Variants in GLG1 observed in about 807,000 individuals in gnomAD.
GLG1 encodes the protein Golgi apparatus protein 1.
A neutral mutation model predicts 160.5 loss-of-function variants in GLG1; 38 were observed. The observed-to-expected ratio is 0.24, with a 90% confidence interval of 0.18 to 0.31. GLG1 has a LOEUF of 0.31. Ranked by LOEUF, GLG1 falls within the 10% of genes least tolerant of loss-of-function variation. GLG1 has a pLI of 1.00. For missense variants in GLG1, 1,373 were observed against 1,505.2 expected, an observed-to-expected ratio of 0.91 and a Z score of 1.45; for synonymous variants, 644 against 543.4, an observed-to-expected ratio of 1.19 and a Z score of -2.57.
chr16:74,507,345 CCAAT>C (rs562578944), intron 3 of GLG1, among the ~76,000 whole-genome samples: 91 of 152,134 alleles, frequency 6.0e-4, no homozygotes, highest in Admixed American at 1.0e-3. Flanking sequence ...TTTCCCTGGG[CCAAT>C]CAAACTGGTA....
At chr16:74,511,141 G>A (rs912278814) in intron 2 of GLG1, among the ~76,000 whole-genome samples, 1 of 152,108 alleles carries the variant, frequency 6.6e-6, no homozygotes, top group Admixed American at 6.5e-5. Flanking sequence ...GGGAATCGCA[G>A]AAGAGAAAGT....
At chr16:74,546,733 G>A (rs1291541043) in intron 1 of GLG1, among the ~76,000 whole-genome samples, 3 of 150,240 alleles carry the variant, frequency 2.0e-5, no homozygotes, top group Non-Finnish European at 2.9e-5. Flanking sequence ...CGCTACTTGG[G>A]AGGCTGAGGC....
rs12925812 is a variant in GLG1 at position 74,458,924 on chromosome 16, G to C, written c.3144+758C>G. 7.8e-4 allele frequency among the ~76,000 whole-genome samples: 119 copies of C among 152,302 alleles called. 1 individual carries two copies. The highest frequency in any genetic ancestry group is 1.8e-3 in the Admixed American group (27 of 15,290). On this transcript the variant is annotated intron_variant, in intron 23 of 25. Transcript: ENST00000422840. ...AACTATGGGAGGTAAAGATAGGCCAGAAATGTTTCCATAAATAAAAGTTAG... is the reference window on the plus strand; with the variant it reads ...AACTATGGGAGGTAAAGATAGGCCACAAATGTTTCCATAAATAAAAGTTAG...
chr16:74,511,307 T>A (rs1308827611), intron 2 of GLG1, among the ~76,000 whole-genome samples: 1 of 152,110 alleles, frequency 6.6e-6, no homozygotes, highest in East Asian at 1.9e-4. Context: ...TCCTCCCTCC[T>A]CAAAAACAAA....
At chr16:74,479,760 A>G (rs1351434426) in intron 11 of GLG1, among the ~76,000 whole-genome samples, 1 of 152,212 alleles carries the variant, frequency 6.6e-6, no homozygotes, top group Non-Finnish European at 1.5e-5. Context: ...CAGCACACAC[A>G]AACATCCCAA....
At position 74,452,933 on chromosome 16, in the gene GLG1, G is replaced by A. The variant is rs2014383245; in HGVS notation, c.*234C>T. On this transcript the variant is annotated 3_prime_UTR_variant, in exon 26 of 26. Coordinates refer to ENST00000422840, the MANE Select transcript of GLG1 (RefSeq NM_001145667.2). The stretch of plus-strand genomic sequence containing the variant: ...TCTACAGGCAGGTAAACCCAAGTTT[G>A]CCAAACAAAGGCAGTAACCCCAGCG... 1 of 1,209,350 alleles carries A rather than the reference G, an allele frequency of 8.3e-7. No homozygotes were observed. The highest frequency in any genetic ancestry group is 1.0e-6 in the Non-Finnish European group (1 of 972,520). The allele number at this position is 1,209,350 out of a possible 1,614,324, so 74.9% of individuals were successfully genotyped here.
At chr16:74,586,062 C>CG (rs1326093590) in intron 1 of GLG1, among the ~76,000 whole-genome samples, 1 of 125,654 alleles carries the variant, frequency 8.0e-6, no homozygotes, top group Non-Finnish European at 1.6e-5. Context: ...GACTCTGTAT[C>CG]GGAAAAAAAA....
chr16:74,597,663 C>A (rs1958337408), intron 1 of GLG1, among the ~76,000 whole-genome samples: 2 of 151,780 alleles, frequency 1.3e-5, no homozygotes, highest in African/African-American at 4.8e-5. Flanking sequence ...ACCATCCTGA[C>A]TAACACAGTG....
At chr16:74,566,793 T>TG (rs2018665901) in intron 1 of GLG1, among the ~76,000 whole-genome samples, 1 of 152,156 alleles carries the variant, frequency 6.6e-6, no homozygotes, top group South Asian at 2.1e-4. Context: ...AAATATCTGA[T>TG]GGGAAGTAGA....
intron 1 of GLG1, among the ~76,000 whole-genome samples, chr16:74,549,532 C>T (rs972247734): frequency 2.6e-4 from 39 of 152,186 alleles, no homozygotes; most frequent in Non-Finnish European, 4.7e-4. Flanking sequence ...GTGATCCGCC[C>T]GCCTCAGCTT....
chr16:74,464,824 T>TA (rs1409544225), intron 19 of GLG1, among the ~76,000 whole-genome samples: 4 of 150,340 alleles, frequency 2.7e-5, no homozygotes, highest in Non-Finnish European at 4.5e-5. Flanking sequence ...CTAGAACCTT[T>TA]AGTTTAAGTT....
At chr16:74,596,177 A>G (rs917340388) in intron 1 of GLG1, among the ~76,000 whole-genome samples, 1 of 152,032 alleles carries the variant, frequency 6.6e-6, no homozygotes, top group Non-Finnish European at 1.5e-5. Context: ...TTTTGAGATC[A>G]TGCCACTGCC....
At chr16:74,474,437 T>C (rs568473093) in intron 13 of GLG1, 109 bp downstream of exon 13, 109 of 704,426 alleles carry the variant, frequency 1.5e-4, no homozygotes, top group South Asian at 1.4e-3. Flanking sequence ...TTTCTTTTGA[T>C]TGACAGAAAA....
chr16:74,506,775 G>A (rs1340853541), intron 3 of GLG1, among the ~76,000 whole-genome samples: 1 of 152,038 alleles, frequency 6.6e-6, no homozygotes, highest in Non-Finnish European at 1.5e-5. Flanking sequence ...AAGTTTGCAT[G>A]TTTCTTCATT....
intron 4 of GLG1, among the ~76,000 whole-genome samples, chr16:74,502,830 A>T (rs909644855): frequency 6.9e-6 from 1 of 145,934 alleles, no homozygotes; most frequent in Non-Finnish European, 1.5e-5. Flanking sequence ...TCAGCCTCCC[A>T]AAGTGTTGGG....
intron 1 of GLG1, among the ~76,000 whole-genome samples, chr16:74,594,916 C>T (rs1372976800): frequency 1.3e-5 from 2 of 152,100 alleles, no homozygotes; most frequent in Non-Finnish European, 2.9e-5. Flanking sequence ...AAGGCCGGCG[C>T]GGTGGCTCAC....
rs147065866 is a variant in GLG1, at chr16:74,593,867, T to C, written c.438+12790A>G. Among the ~76,000 whole-genome samples, 228 of 152,348 alleles carry C rather than the reference T, an allele frequency of 1.5e-3. 3 individuals carry two copies. Among genetic ancestry groups the C allele is most frequent in the South Asian group, 0.015 (72 of 4,830 alleles). On this transcript the variant is annotated intron_variant, in intron 1 of 25. Transcript: ENST00000422840. ...ATCTACCATTTCACTTCATTGTTTA[T>C]CATTCTTATGATTTTAAATAAGTAT...
intron 8 of GLG1, among the ~76,000 whole-genome samples, chr16:74,487,560 A>G (rs2015837261): frequency 6.6e-6 from 1 of 152,204 alleles, no homozygotes; most frequent in Non-Finnish European, 1.5e-5. Flanking sequence ...CAATTTGGGA[A>G]ACCTACAAAA....
chr16:74,497,926 C>A (rs1188904071), intron 4 of GLG1, among the ~76,000 whole-genome samples: 1 of 152,208 alleles, frequency 6.6e-6, no homozygotes, highest in African/African-American at 2.4e-5. Flanking sequence ...ACTGTTTACA[C>A]AAAACGCTTC....
Sources: gnomAD v4.1 joint callset for allele counts (sites outside exome capture counted in the v4.1 genomes callset) on GRCh38, gnomAD v4.1.1 for gene constraint, MANE v1.5 for transcripts, NCBI Gene and HGNC (gene_info 2026-07-23, HGNC 2026-07-21) for gene names.